AFF1: variants seen among roughly 807,000 people sequenced by gnomAD.
AFF1 encodes the protein AF4/FMR2 family member 1.
AFF1 carries 48 observed loss-of-function variants against 121.7 expected under a neutral mutation model. That is an observed-to-expected ratio of 0.39 (90% CI 0.31 to 0.50). The LOEUF is 0.50. Among genes scored for constraint, AFF1 ranks in the 20% least tolerant of loss-of-function variants. AFF1 has a pLI of 0.76. For missense variants in AFF1, 1,523 were observed against 1,511.7 expected (o/e 1.01, Z -0.12); for synonymous variants, 613 against 563.0 (o/e 1.09, Z -1.26).
intron 12 of AFF1, among the ~76,000 whole-genome samples, chr4:87,117,847 G>T (rs1727280707): frequency 9.4e-6 from 1 of 106,616 alleles, no homozygotes; most frequent in Admixed American, 1.2e-4. Flanking sequence ...AGGACAGGTT[G>T]TCCCCCCTTC....
intron 2 of AFF1, among the ~76,000 whole-genome samples, chr4:87,025,434 G>A (rs938642998): frequency 1.3e-5 from 2 of 152,246 alleles, no homozygotes; most frequent in African/African-American, 2.4e-5. Context: ...CAGACGTGCC[G>A]GTCATAAATG....
At chr4:87,010,972 G>T (rs965338007) in intron 2 of AFF1, among the ~76,000 whole-genome samples, 2 of 151,964 alleles carry the variant, frequency 1.3e-5, no homozygotes, top group African/African-American at 4.8e-5. Flanking sequence ...CCAGCTACGC[G>T]GGAGGCGGAG....
chr4:87,062,304 A>G (rs1720861867), intron 4 of AFF1, among the ~76,000 whole-genome samples: 1 of 152,190 alleles, frequency 6.6e-6, no homozygotes, highest in Non-Finnish European at 1.5e-5. Flanking sequence ...GTATCTTGCT[A>G]CGTCCTCATG....
rs1219042527 is a variant in AFF1, at chr4:87,050,380, C to T, written c.1059+2786C>T. Among the ~76,000 whole-genome samples, 5 of 152,232 alleles carry T rather than the reference C, an allele frequency of 3.3e-5. No individual in the cohort carries two copies. The East Asian group carries it at 9.6e-4, about 29-fold the overall frequency. The stretch of plus-strand genomic sequence containing the variant: ...GTTTCATTTCTCCCCTACCCCTTTC[C>T]ACTGCTTCTGTGAAATAGTGATTTT... On this transcript the variant is annotated intron_variant, in intron 4 of 20. Coordinates refer to ENST00000395146, the MANE Select transcript of AFF1 (RefSeq NM_001166693.3).
intron 2 of AFF1, among the ~76,000 whole-genome samples, chr4:86,998,401 TA>T (rs1725414193): frequency 1.3e-5 from 2 of 152,204 alleles, no homozygotes; most frequent in Non-Finnish European, 2.9e-5. Context: ...GTTTTGTTTT[TA>T]GAATAATTGT....
intron 4 of AFF1, among the ~76,000 whole-genome samples, chr4:87,073,458 C>T (rs1722334289): frequency 6.6e-6 from 1 of 152,090 alleles, no homozygotes; most frequent in Non-Finnish European, 1.5e-5. Context: ...AGTATATATG[C>T]CTCTAGCCTA....
chr4:87,112,271 C>T (rs938225745), intron 11 of AFF1, among the ~76,000 whole-genome samples: 2 of 152,150 alleles, frequency 1.3e-5, no homozygotes, highest in Non-Finnish European at 2.9e-5. Flanking sequence ...ATATTGAATA[C>T]GGATTTAGAT....
At chr4:87,022,825 G>A (rs974974106) in intron 2 of AFF1, among the ~76,000 whole-genome samples, 1 of 151,072 alleles carries the variant, frequency 6.6e-6, no homozygotes, top group African/African-American at 2.4e-5. Flanking sequence ...ACACACGAAT[G>A]TTAGCAAAGA....
At chr4:87,093,634 GAGGAGGGGCCTCTGCCCC>G (rs1724538711) in intron 7 of AFF1, among the ~76,000 whole-genome samples, 1 of 152,206 alleles carries the variant, frequency 6.6e-6, no homozygotes, top group African/African-American at 2.4e-5. Flanking sequence ...ATGGTCTGAA[GAGGAGGGGCCTCTGCCCC>G]TCTCGTTTGG....
Position 87,134,623 on chromosome 4 carries a change from C to T in AFF1, c.3464C>T (p.Thr1155Ile). ...TIQNMTSSYV[T>I]ITSHVLTAFD... ...CAGAATATGACATCTTCCTATGTCA[C>T]CATCACATCCCATGTTCTTACCGCC... is the stretch of plus-strand genomic sequence containing the variant. The change falls in exon 20 of 21, where the codon ACC (threonine) becomes ATC (isoleucine). Residue 1155 changes from threonine (T) to isoleucine (I), a missense_variant. By Grantham distance (89) the Thr-to-Ile change is moderately conservative (BLOSUM62 -1). Around this residue, in one of 5 missense-constraint regions of AFF1, gnomAD observed 241 missense variants for 265.2 expected, o/e 0.91. Coordinates refer to ENST00000395146, the MANE Select transcript of AFF1 (RefSeq NM_001166693.3). 1 of 1,614,170 alleles carries T rather than the reference C, an allele frequency of 6.2e-7. No individual in the cohort carries two copies. Among genetic ancestry groups the T allele is most frequent in the Non-Finnish European group, 8.5e-7 (1 of 1,180,022 alleles).
At chr4:87,064,866 T>G (rs555610837) in intron 4 of AFF1, among the ~76,000 whole-genome samples, 1 of 117,188 alleles carries the variant, frequency 8.5e-6, no homozygotes, top group East Asian at 2.5e-4. Context: ...AGAGTGAAAT[T>G]CCGTCTCAAA....
intron 2 of AFF1, among the ~76,000 whole-genome samples, chr4:86,967,980 C>T (rs2149475868): frequency 6.6e-6 from 1 of 152,246 alleles, no homozygotes; most frequent in East Asian, 1.9e-4. Context: ...AACTACGTAG[C>T]AACTTAGTGG....
At chr4:86,967,512 G>A (rs1185592837) in intron 2 of AFF1, among the ~76,000 whole-genome samples, 1 of 152,166 alleles carries the variant, frequency 6.6e-6, no homozygotes, top group Non-Finnish European at 1.5e-5. Flanking sequence ...GATTTTAAAA[G>A]GTCGCTTGTC....
At chr4:87,025,688 A>G (rs558521977) in intron 2 of AFF1, among the ~76,000 whole-genome samples, 18 of 152,284 alleles carry the variant, frequency 1.2e-4, no homozygotes, top group Non-Finnish European at 2.4e-4. Flanking sequence ...GATAGAGGCT[A>G]GGGATGCTGC....
At chr4:87,045,705 A>G (rs1730617738) in intron 2 of AFF1, among the ~76,000 whole-genome samples, 1 of 152,150 alleles carries the variant, frequency 6.6e-6, no homozygotes, top group African/African-American at 2.4e-5. Context: ...TTATGAAATA[A>G]GCCTTTTGAT....
At chr4:87,134,336 T>C (rs890152137) in intron 19 of AFF1, 135 bp from the exon 20 acceptor site, 19 of 805,162 alleles carry the variant, frequency 2.4e-5, no homozygotes, top group Non-Finnish European at 3.5e-5. Flanking sequence ...GGAGTGACTT[T>C]AGCAGTGGTT....
intron 4 of AFF1, among the ~76,000 whole-genome samples, chr4:87,058,566 C>T (rs568362445): frequency 3.9e-4 from 59 of 151,804 alleles, no homozygotes; most frequent in African/African-American, 1.4e-3. Flanking sequence ...TCTGTTTAAT[C>T]TCACAGAAGG....
intron 1 of AFF1, among the ~76,000 whole-genome samples, chr4:86,945,733 C>T (rs1455385779): frequency 1.3e-5 from 2 of 151,986 alleles, no homozygotes; most frequent in Non-Finnish European, 2.9e-5. Flanking sequence ...CTTAAGCAGT[C>T]CTTCTACCTT....
In AFF1 at chr4:87,114,541, C is replaced by G. The variant is rs1459602017; in HGVS notation, c.1708C>G (p.Pro570Ala). 6.2e-7 allele frequency: 1 copy of G among 1,611,990 alleles called. No individual in the cohort carries two copies. Among genetic ancestry groups the G allele is most frequent in the Admixed American group, 1.7e-5 (1 of 59,888 alleles). ...SQEHSESKDP[P>A]PKSSSKAPRA... ...GGAGCATTCTGAATCCAAAGATCCT[C>G]CCCCTAAAAGCTCCAGCAAAGCCCC... Residue 570 changes from proline (P) to alanine (A), a missense_variant, in exon 12 of 21, where the codon CCC (proline) becomes GCC (alanine). Physicochemically the swap from Pro to Ala is conservative, Grantham distance 27. Around this residue, in one of 5 missense-constraint regions of AFF1, gnomAD observed 905 missense variants for 842.5 expected, o/e 1.07. Transcript: ENST00000395146.
Sources: allele counts gnomAD v4.1 joint callset (sites outside exome capture counted in the v4.1 genomes callset), GRCh38; gene constraint gnomAD v4.1.1; regional missense constraint gnomAD v4.1.1; transcripts MANE v1.5; gene names NCBI Gene and HGNC (gene_info 2026-07-23, HGNC 2026-07-21).